FCHSD2: variants seen among roughly 807,000 people sequenced by gnomAD.
The protein encoded by FCHSD2 is FCH and double SH3 domains 2, also known as F-BAR and double SH3 domains protein 2.
Under a neutral mutation model 108.1 loss-of-function variants are expected in FCHSD2, and 38 were observed. The observed-to-expected ratio is 0.35, with a 90% CI of 0.27 to 0.46. FCHSD2 has a LOEUF of 0.46. FCHSD2 is among the 20% of genes least tolerant of loss of function. FCHSD2 has a pLI of 1.00. For missense variants in FCHSD2, 751 were observed against 897.8 expected (o/e 0.84, Z 2.09); for synonymous variants, 279 against 314.7 (o/e 0.89, Z 1.20).
chr11:72,862,508 AG>A (rs1460437071), intron 13 of FCHSD2, among the ~76,000 whole-genome samples: 2 of 152,232 alleles, frequency 1.3e-5, no homozygotes, highest in African/African-American at 4.8e-5. Context: ...ATTATGAAAT[AG>A]GGGTAAGTCT....
chr11:73,108,355 T>C (rs971906812), intron 2 of FCHSD2, among the ~76,000 whole-genome samples: 2 of 152,244 alleles, frequency 1.3e-5, no homozygotes, highest in Admixed American at 6.5e-5. Flanking sequence ...TTCTGTGGGT[T>C]ATCTCTTCAC....
At chr11:72,857,914 T>C (rs1861467928) in intron 13 of FCHSD2, among the ~76,000 whole-genome samples, 1 of 152,188 alleles carries the variant, frequency 6.6e-6, no homozygotes, top group Admixed American at 6.5e-5. Context: ...TGGGTTTGAA[T>C]GTTGACTATG....
intron 17 of FCHSD2, among the ~76,000 whole-genome samples, chr11:72,842,246 G>A (rs1860979764): frequency 6.6e-6 from 1 of 152,368 alleles, no homozygotes; most frequent in South Asian, 2.1e-4. Context: ...GGCTCTGACA[G>A]TGAGGGAGAG....
chr11:72,984,944 T>C (rs1229525259), intron 7 of FCHSD2, 118 bp downstream of exon 7: 2 of 534,538 alleles, frequency 3.7e-6, no homozygotes, highest in African/African-American at 2.0e-5. Flanking sequence ...CCTGAGTCAG[T>C]GACTTTAAAA....
At chr11:73,075,308 T>C (rs546617260) in intron 3 of FCHSD2, among the ~76,000 whole-genome samples, 2 of 152,276 alleles carry the variant, frequency 1.3e-5, no homozygotes, top group East Asian at 3.9e-4. Context: ...CTTAGGTAAA[T>C]ACCCAATAGA....
At chr11:73,061,330 G>A (rs1440949834) in intron 3 of FCHSD2, among the ~76,000 whole-genome samples, 1 of 152,234 alleles carries the variant, frequency 6.6e-6, no homozygotes, top group Non-Finnish European at 1.5e-5. Context: ...ATTCCCTCCA[G>A]TGCCTACCCC....
chr11:73,075,677 TGGTG>T (rs974745826), intron 3 of FCHSD2, among the ~76,000 whole-genome samples: 1 of 145,102 alleles, frequency 6.9e-6, no homozygotes, highest in Non-Finnish European at 1.5e-5. Flanking sequence ...TAGCTGGGAG[TGGTG>T]GTGCGTGCCT....
chr11:73,084,782 T>C (rs1173481845), intron 2 of FCHSD2, among the ~76,000 whole-genome samples: 1 of 152,222 alleles, frequency 6.6e-6, no homozygotes, highest in Non-Finnish European at 1.5e-5. Context: ...CTTAATGGTA[T>C]ATAAAATAAC....
chr11:72,850,614 A>G (rs1451140166), intron 13 of FCHSD2, among the ~76,000 whole-genome samples: 1 of 151,910 alleles, frequency 6.6e-6, no homozygotes. Flanking sequence ...CAGCCTCCCA[A>G]AGTGCTGGGA....
At chr11:73,039,158 T>G (rs1026770978) in intron 3 of FCHSD2, among the ~76,000 whole-genome samples, 1 of 152,170 alleles carries the variant, frequency 6.6e-6, no homozygotes, top group Non-Finnish European at 1.5e-5. Flanking sequence ...AAGAGTCTAG[T>G]TCAAGACTGT....
rs542474376 is a variant in FCHSD2 at position 72,957,349 on chromosome 11, T to C, written c.705+26739A>G. 2.0e-5 allele frequency among the ~76,000 whole-genome samples: 3 copies of C among 151,138 alleles called. No homozygotes were observed. In the South Asian group the frequency reaches 6.3e-4, roughly 32 times the overall value. On this transcript the variant is annotated intron_variant, in intron 8 of 19. Transcript: ENST00000409418. ...GTTTCCAGTTTCATCCATGTCCCTA[T>C]AAAGGACATGAACTCATCATTTTTT...
At chr11:73,069,872 C>T (rs1859391933) in intron 3 of FCHSD2, among the ~76,000 whole-genome samples, 1 of 151,968 alleles carries the variant, frequency 6.6e-6, no homozygotes, top group South Asian at 2.1e-4. Context: ...TCTCATTCCA[C>T]AAAGAATCTA....
intron 8 of FCHSD2, among the ~76,000 whole-genome samples, chr11:72,945,652 T>A (rs1403654532): frequency 6.6e-6 from 1 of 152,190 alleles, no homozygotes; most frequent in Non-Finnish European, 1.5e-5. Context: ...TCTACTCATC[T>A]GACAAAGGGC....
chr11:73,088,389 C>T (rs1471181990), intron 2 of FCHSD2, among the ~76,000 whole-genome samples: 1 of 151,988 alleles, frequency 6.6e-6, no homozygotes, highest in Non-Finnish European at 1.5e-5. Context: ...CACACAATGA[C>T]GAAATTGCCT....
At chr11:72,990,974 TAAA>T (rs962404609) in intron 5 of FCHSD2, among the ~76,000 whole-genome samples, 3 of 151,378 alleles carry the variant, frequency 2.0e-5, no homozygotes, top group African/African-American at 7.3e-5. Flanking sequence ...GCAAGACTAA[TAAA>T]GAAGAAAAGA....
intron 3 of FCHSD2, among the ~76,000 whole-genome samples, chr11:73,071,556 C>A (rs1203359806): frequency 1.3e-5 from 2 of 151,252 alleles, no homozygotes; most frequent in African/African-American, 2.4e-5. Flanking sequence ...AAAAAATTAG[C>A]TGGGCATGGT....
intron 10 of FCHSD2, among the ~76,000 whole-genome samples, chr11:72,901,097 A>G (rs1229087575): frequency 6.6e-6 from 1 of 152,214 alleles, no homozygotes; most frequent in Non-Finnish European, 1.5e-5. Flanking sequence ...GCTTTTAAAC[A>G]ATTGCCAATT....
chr11:73,074,619 T>G (rs1311140535), intron 3 of FCHSD2, among the ~76,000 whole-genome samples: 1 of 152,090 alleles, frequency 6.6e-6, no homozygotes, highest in Admixed American at 6.6e-5. Flanking sequence ...TTCCTTAAAA[T>G]TAAAAACTTG....
chr11:72,983,148 GCTGGGCGTAGTGGCGGGCGC>G (rs1392870670), intron 8 of FCHSD2, among the ~76,000 whole-genome samples: 1 of 151,932 alleles, frequency 6.6e-6, no homozygotes, highest in East Asian at 1.9e-4. Flanking sequence ...CAAAAAATTA[GCTGGGCGTAGTGGCGGGCGC>G]CTGTAGTCCC....
Sources: gnomAD v4.1 joint callset for allele counts (sites outside exome capture counted in the v4.1 genomes callset) on GRCh38, gnomAD v4.1.1 for gene constraint, MANE v1.5 for transcripts, NCBI Gene and HGNC (gene_info 2026-07-23, HGNC 2026-07-21) for gene names.